Variants in CCDC149 observed in about 807,000 individuals in gnomAD.
CCDC149 encodes coiled-coil domain-containing protein 149.
CCDC149 carries 45 observed loss-of-function variants against 59.9 expected under a neutral mutation model. The observed-to-expected ratio is 0.75, with a 90% confidence interval of 0.59 to 0.96. CCDC149 has a LOEUF of 0.96. Ranked by LOEUF, CCDC149 falls within the 40% of genes least tolerant of loss-of-function variation. The pLI is 0.00. For synonymous variants in CCDC149, 245 were observed against 260.6 expected (o/e 0.94, Z 0.58); for missense variants, 584 against 664.7 (o/e 0.88, Z 1.33).
chr4:24,930,168 C>T (rs374075685), intron 1 of CCDC149, among the ~76,000 whole-genome samples: 16 of 152,206 alleles, frequency 1.1e-4, no homozygotes, highest in African/African-American at 3.4e-4. Flanking sequence ...ATGTGTGCCA[C>T]TTTTAAACCT....
At chr4:24,850,596 T>G (rs1717598127) in intron 4 of CCDC149, among the ~76,000 whole-genome samples, 1 of 152,192 alleles carries the variant, frequency 6.6e-6, no homozygotes, top group South Asian at 2.1e-4. Context: ...AGCAAGGATG[T>G]GGCTGCAGAA....
chr4:24,939,442 G>A (rs904952650), intron 1 of CCDC149, among the ~76,000 whole-genome samples: 7 of 152,156 alleles, frequency 4.6e-5, no homozygotes, highest in South Asian at 2.1e-4. Flanking sequence ...ACAAAGATGC[G>A]GAAAAAACAG....
Position 24,837,154 on chromosome 4 carries a change from A to G in CCDC149, c.662+74T>C. The G allele has an allele frequency of 7.1e-7, 1 of 1,412,170 alleles. No individual in the cohort carries two copies. Among genetic ancestry groups the G allele is most frequent in the Non-Finnish European group, 9.7e-7 (1 of 1,033,008 alleles). The allele number at this position is 1,412,170 out of a possible 1,614,324, so 87.5% of individuals were successfully genotyped here. A position where few individuals can be genotyped will look rare whatever the true frequency, so the allele number is the denominator to read the frequency against. ...TTTTCTCCAAAATAAATAGGGCTGCAAATAACTCCCAGCCTGCAGGCCTGT... is the reference window on the plus strand; with the variant it reads ...TTTTCTCCAAAATAAATAGGGCTGCGAATAACTCCCAGCCTGCAGGCCTGT... On this transcript the variant is annotated intron_variant, in intron 6 of 12. Coordinates refer to ENST00000635206, the MANE Select transcript of CCDC149 (RefSeq NM_001330643.2). The surrounding 1 kb of genome is among the most constrained non-coding windows in gnomAD (Gnocchi z 4.3).
chr4:24,859,420 C>T (rs1718235436), intron 3 of CCDC149, among the ~76,000 whole-genome samples: 1 of 152,064 alleles, frequency 6.6e-6, no homozygotes, highest in South Asian at 2.1e-4. Flanking sequence ...AAACCCTCAG[C>T]AAAATCTGCA....
chr4:24,969,950 AACTCTCCTCTGGGGG>A (rs1411422004), intron 1 of CCDC149, among the ~76,000 whole-genome samples: 2 of 152,184 alleles, frequency 1.3e-5, no homozygotes, highest in Non-Finnish European at 2.9e-5. Context: ...CCAGGGAAAG[AACTCTCCTCTGGGGG>A]ACATATGTAC....
downstream of CCDC149, among the ~76,000 whole-genome samples, chr4:24,804,720 A>G (rs907974639): frequency 5.3e-5 from 8 of 152,200 alleles, no homozygotes; most frequent in Admixed American, 1.3e-4. Flanking sequence ...ACCGGGGTGC[A>G]AAGGCTCCCG....
At chr4:24,847,298 A>G (rs536658948) in intron 4 of CCDC149, among the ~76,000 whole-genome samples, 1 of 152,368 alleles carries the variant, frequency 6.6e-6, no homozygotes, top group East Asian at 1.9e-4. Flanking sequence ...CCCTCTGTTA[A>G]GTGCTTGCTA....
chr4:24,931,572 AAG>A (rs1295430355), intron 1 of CCDC149, among the ~76,000 whole-genome samples: 1 of 151,200 alleles, frequency 6.6e-6, no homozygotes, highest in Non-Finnish European at 1.5e-5. Context: ...AGCAGAAGAG[AAG>A]AGAGGCCAAA....
intron 1 of CCDC149, among the ~76,000 whole-genome samples, chr4:24,948,521 G>A (rs752623455): frequency 4.6e-5 from 7 of 152,104 alleles, no homozygotes; most frequent in African/African-American, 1.2e-4. Context: ...CTCCCTTGCC[G>A]GCCAGCTTCC....
chr4:24,899,997 A>G (rs1721075883), intron 1 of CCDC149, among the ~76,000 whole-genome samples: 1 of 151,956 alleles, frequency 6.6e-6, no homozygotes, highest in Admixed American at 6.6e-5. Context: ...TGACATCTCC[A>G]TTTGCTGAAA....
At chr4:24,943,239 G>A (rs372917448) in intron 1 of CCDC149, among the ~76,000 whole-genome samples, 100 of 151,882 alleles carry the variant, frequency 6.6e-4, no homozygotes, top group African/African-American at 2.0e-3. Flanking sequence ...AAATAATGCC[G>A]CATATCTACA....
At chr4:24,928,946 A>G (rs1035334371) in intron 1 of CCDC149, among the ~76,000 whole-genome samples, 3 of 152,150 alleles carry the variant, frequency 2.0e-5, no homozygotes, top group Non-Finnish European at 4.4e-5. Context: ...ATCTTGCATT[A>G]TTGCTAAACT....
intron 1 of CCDC149, among the ~76,000 whole-genome samples, chr4:24,926,104 G>A (rs1722427821): frequency 6.6e-6 from 1 of 152,180 alleles, no homozygotes; most frequent in African/African-American, 2.4e-5. Context: ...GCTGTGGCAG[G>A]AGAATCGCTT....
chr4:24,934,265 G>T (rs182514074), intron 1 of CCDC149, among the ~76,000 whole-genome samples: 5 of 152,266 alleles, frequency 3.3e-5, no homozygotes, highest in Admixed American at 2.6e-4. Context: ...TGTTCTCATG[G>T]TAGTGAATAA....
intron 1 of CCDC149, among the ~76,000 whole-genome samples, chr4:24,918,424 A>G (rs73250627): frequency 1.9e-4 from 29 of 152,260 alleles, no homozygotes; most frequent in African/African-American, 6.5e-4. Flanking sequence ...CCACCCCCAT[A>G]CCAGGTCATG....
At chr4:24,945,023 G>A (rs190511940) in intron 1 of CCDC149, among the ~76,000 whole-genome samples, 7 of 152,300 alleles carry the variant, frequency 4.6e-5, no homozygotes, top group African/African-American at 1.7e-4. Context: ...GTTGGAAGAT[G>A]CCTGTGCAGC....
chr4:24,816,405 A>G (rs1367361324), intron 12 of CCDC149, among the ~76,000 whole-genome samples: 1 of 152,086 alleles, frequency 6.6e-6, no homozygotes, highest in Non-Finnish European at 1.5e-5. Context: ...TTTAAATCCA[A>G]AAGATACCCC....
At chr4:24,875,799 T>C (rs1035676562) in intron 2 of CCDC149, among the ~76,000 whole-genome samples, 23 of 152,338 alleles carry the variant, frequency 1.5e-4, no homozygotes, top group Middle Eastern at 3.4e-3. Context: ...CTGTAGCTAG[T>C]GGCCTCTGTA....
chr4:24,838,388 G>C (rs1716689714), intron 4 of CCDC149, 116 bp from the exon 5 acceptor site: 2 of 721,104 alleles, frequency 2.8e-6, no homozygotes, highest in Non-Finnish European at 4.8e-6. Context: ...AAATACTGGA[G>C]AAAGCACAAA....
Sources: gnomAD v4.1 joint callset for allele counts (sites outside exome capture counted in the v4.1 genomes callset) on GRCh38, gnomAD v4.1.1 for gene constraint, Gnocchi (gnomAD v3.1) non-coding constraint, MANE v1.5 for transcripts, NCBI Gene and HGNC (gene_info 2026-07-23, HGNC 2026-07-21) for gene names.